SEMA5A: variants seen among roughly 807,000 people sequenced by gnomAD.
SEMA5A encodes semaphorin-5A.
In SEMA5A, 55 loss-of-function variants were observed where a neutral mutation model predicts 135.5. The ratio of observed to expected loss-of-function variants is 0.41; its 90% CI spans 0.33 to 0.51. The LOEUF (loss-of-function observed/expected upper bound fraction) is 0.51, where lower values mean the gene tolerates loss of function less well. SEMA5A is among the 20% of genes least tolerant of loss of function. SEMA5A has a pLI of 0.37. For missense variants in SEMA5A, 1,290 were observed against 1,419.9 expected (o/e 0.91, Z 1.47); for synonymous variants, 580 against 546.5 (o/e 1.06, Z -0.85).
chr5:9,402,526 G>A (rs1329867872), intron 2 of SEMA5A, among the ~76,000 whole-genome samples: 2 of 151,846 alleles, frequency 1.3e-5, no homozygotes, highest in African/African-American at 4.8e-5. Context: ...GGGGTTTTGA[G>A]TGTTAGTGAG....
At chr5:9,253,892 C>T (rs964705974) in intron 5 of SEMA5A, among the ~76,000 whole-genome samples, 2 of 152,072 alleles carry the variant, frequency 1.3e-5, no homozygotes, top group Non-Finnish European at 1.5e-5. Flanking sequence ...ACATGAATAA[C>T]AAACAAAACT....
At chr5:9,248,849 C>T (rs1289950297) in intron 5 of SEMA5A, among the ~76,000 whole-genome samples, 1 of 152,112 alleles carries the variant, frequency 6.6e-6, no homozygotes, top group African/African-American at 2.4e-5. Context: ...CGGGGGACCC[C>T]TTTATTTTAG....
intron 11 of SEMA5A, among the ~76,000 whole-genome samples, chr5:9,158,332 G>A (rs1235569378): frequency 6.6e-6 from 1 of 151,906 alleles, no homozygotes; most frequent in East Asian, 1.9e-4. Flanking sequence ...ATGAAGAATT[G>A]GTTTCATCCA....
At chr5:9,104,596 T>G (rs1739805696) in intron 16 of SEMA5A, among the ~76,000 whole-genome samples, 1 of 152,208 alleles carries the variant, frequency 6.6e-6, no homozygotes, top group Non-Finnish European at 1.5e-5. Flanking sequence ...AGGTACTATA[T>G]GTAATCCTCT....
chr5:9,098,649 A>T (rs1258770876), intron 16 of SEMA5A, among the ~76,000 whole-genome samples: 2 of 152,232 alleles, frequency 1.3e-5, no homozygotes, highest in Non-Finnish European at 2.9e-5. Context: ...CATCTGACTG[A>T]GCATTTGCTA....
chr5:9,405,880 A>T (rs1473602049), intron 2 of SEMA5A, among the ~76,000 whole-genome samples: 1 of 152,210 alleles, frequency 6.6e-6, no homozygotes, highest in Admixed American at 6.5e-5. Context: ...CACGGTGAGC[A>T]GATGCAGACA....
chr5:9,511,006 T>C (rs1736174603), intron 1 of SEMA5A, among the ~76,000 whole-genome samples: 1 of 152,214 alleles, frequency 6.6e-6, no homozygotes, highest in African/African-American at 2.4e-5. Flanking sequence ...AATTTTCGTT[T>C]GCATCTGTGG....
intron 11 of SEMA5A, among the ~76,000 whole-genome samples, chr5:9,163,113 C>G (rs1440832083): frequency 6.6e-6 from 1 of 152,032 alleles, no homozygotes; most frequent in African/African-American, 2.4e-5. Flanking sequence ...TCTTATCATA[C>G]CACTGACTAC....
intron 2 of SEMA5A, 48 bp from the exon 3 acceptor site, chr5:9,380,071 T>C (rs1755531077): frequency 7.8e-7 from 1 of 1,281,466 alleles, no homozygotes; most frequent in African/African-American, 1.5e-5. Context: ...GTTCGTTTTC[T>C]GGTGGGTGGT....
At chr5:9,150,569 A>G (rs1352178082) in intron 12 of SEMA5A, among the ~76,000 whole-genome samples, 2 of 152,190 alleles carry the variant, frequency 1.3e-5, no homozygotes, top group Non-Finnish European at 2.9e-5. Flanking sequence ...ATCTTTTAAA[A>G]TAACTTTCTA....
At chr5:9,239,184 C>T (rs1806005) in intron 5 of SEMA5A, among the ~76,000 whole-genome samples, 2,291 of 152,274 alleles carry the variant, frequency 0.015, 58 homozygotes, top group African/African-American at 0.052. Context: ...AGAACCACTT[C>T]AGTGTCTTTG....
intron 16 of SEMA5A, among the ~76,000 whole-genome samples, chr5:9,088,657 T>TACACACACACACAC (rs1378244247): frequency 1.1e-5 from 1 of 88,092 alleles, no homozygotes; most frequent in Non-Finnish European, 2.5e-5. Flanking sequence ...TATATATATA[T>TACACACACACACAC]ATACACACAC....
At chr5:9,267,531 T>A (rs191957561) in intron 5 of SEMA5A, among the ~76,000 whole-genome samples, 33 of 152,264 alleles carry the variant, frequency 2.2e-4, no homozygotes, top group Admixed American at 1.9e-3. Flanking sequence ...TTATTGTGCT[T>A]TTCTTATTTA....
intron 12 of SEMA5A, among the ~76,000 whole-genome samples, chr5:9,150,375 T>C (rs919066775): frequency 3.0e-4 from 45 of 152,296 alleles, no homozygotes; most frequent in African/African-American, 1.1e-3. Context: ...AATAGTGCAG[T>C]TTCTCTGGTA....
intron 1 of SEMA5A, among the ~76,000 whole-genome samples, chr5:9,532,825 G>A (rs1737530473): frequency 6.6e-6 from 1 of 152,156 alleles, no homozygotes; most frequent in African/African-American, 2.4e-5. Context: ...AAACCAAAGA[G>A]AAGAGTGAGG....
chr5:9,356,222 A>C (rs888209896), intron 3 of SEMA5A, among the ~76,000 whole-genome samples: 1 of 152,198 alleles, frequency 6.6e-6, no homozygotes, highest in Non-Finnish European at 1.5e-5. Context: ...TAGATGGTTT[A>C]CTAACATAAT....
At chr5:9,150,076 C>G (rs796905957) in intron 12 of SEMA5A, among the ~76,000 whole-genome samples, 1 of 152,186 alleles carries the variant, frequency 6.6e-6, no homozygotes, top group Non-Finnish European at 1.5e-5. Flanking sequence ...TGGCCTCAAG[C>G]AATCCTCCTG....
At chr5:9,402,759 A>G (rs1407221219) in intron 2 of SEMA5A, among the ~76,000 whole-genome samples, 1 of 152,222 alleles carries the variant, frequency 6.6e-6, no homozygotes, top group South Asian at 2.1e-4. Flanking sequence ...AACTGTATTA[A>G]GGGTCCACAA....
At chr5:9,271,178 G>A (rs986072705) in intron 5 of SEMA5A, among the ~76,000 whole-genome samples, 6 of 152,034 alleles carry the variant, frequency 3.9e-5, no homozygotes, top group African/African-American at 7.2e-5. Flanking sequence ...GCACTCCCCC[G>A]TTTACTTGCT....
Sources: allele counts gnomAD v4.1 joint callset (sites outside exome capture counted in the v4.1 genomes callset), GRCh38; gene constraint gnomAD v4.1.1; transcripts MANE v1.5; gene names NCBI Gene and HGNC (gene_info 2026-07-23, HGNC 2026-07-21).